Variants in ASIC2 observed in about 807,000 individuals in gnomAD.
The protein encoded by ASIC2 is acid-sensing ion channel 2.
Under a neutral mutation model 57.3 loss-of-function variants are expected in ASIC2, and 25 were observed. That is an observed-to-expected ratio of 0.44 (90% CI 0.32 to 0.61). ASIC2 has a LOEUF of 0.61. Among genes scored for constraint, ASIC2 ranks in the 20% least tolerant of loss-of-function variants. The probability of loss-of-function intolerance (pLI) is 0.06; values close to 1 mark genes in which losing one functional copy is unlikely to be tolerated. For missense variants in ASIC2, 641 were observed against 738.1 expected (o/e 0.87, Z 1.52); for synonymous variants, 319 against 307.5 (o/e 1.04, Z -0.39).
chr17:33,882,652 C>T (rs1490442452), intron 1 of ASIC2, among the ~76,000 whole-genome samples: 1 of 152,216 alleles, frequency 6.6e-6, no homozygotes, highest in African/African-American at 2.4e-5. Context: ...AACTTTTACA[C>T]TGTTGGTGGG....
chr17:33,047,353 T>A (rs539712355), intron 3 of ASIC2, among the ~76,000 whole-genome samples: 4 of 152,064 alleles, frequency 2.6e-5, no homozygotes, highest in Non-Finnish European at 4.4e-5. Context: ...TTTTTGTTTT[T>A]TTTTAGAGAC....
chr17:33,229,092 C>G (rs1353714463), intron 1 of ASIC2, among the ~76,000 whole-genome samples: 1 of 152,130 alleles, frequency 6.6e-6, no homozygotes. Flanking sequence ...ACTGGAAATA[C>G]AGGAACACGT....
chr17:33,569,135 T>A (rs1460348600), intron 1 of ASIC2: 1 of 152,248 alleles, frequency 6.6e-6, no homozygotes, highest in African/African-American at 2.4e-5. Context: ...CCAGGAAGTT[T>A]CATTTCAACA....
intron 1 of ASIC2, among the ~76,000 whole-genome samples, chr17:33,393,857 G>A (rs1326883786): frequency 6.6e-6 from 1 of 152,144 alleles, no homozygotes; most frequent in Non-Finnish European, 1.5e-5. Flanking sequence ...TTGCTGACAA[G>A]GACCAAGCAT....
intron 1 of ASIC2, among the ~76,000 whole-genome samples, chr17:33,745,249 G>C (rs1597858999): frequency 1.3e-5 from 2 of 152,156 alleles, no homozygotes; most frequent in Non-Finnish European, 2.9e-5. Flanking sequence ...AAGTCCAAAG[G>C]TCACCAGGCT....
At chr17:33,043,833 C>T (rs2091939117) in intron 3 of ASIC2, among the ~76,000 whole-genome samples, 1 of 152,168 alleles carries the variant, frequency 6.6e-6, no homozygotes, top group South Asian at 2.1e-4. Flanking sequence ...GGGATGCCCT[C>T]CTCCTGCCCT....
intron 3 of ASIC2, among the ~76,000 whole-genome samples, chr17:33,048,675 G>A (rs1210866429): frequency 1.3e-5 from 2 of 152,116 alleles, no homozygotes; most frequent in Non-Finnish European, 2.9e-5. Flanking sequence ...CTGGAGCCCT[G>A]GGCCTTAAAA....
chr17:33,759,272 G>C (rs546353682), intron 1 of ASIC2, among the ~76,000 whole-genome samples: 2 of 152,280 alleles, frequency 1.3e-5, no homozygotes, highest in Admixed American at 1.3e-4. Flanking sequence ...TGCTGTGGAA[G>C]GTGGAATTTA....
At chr17:34,000,528 C>A (rs538640859) in intron 1 of ASIC2, among the ~76,000 whole-genome samples, 1 of 152,306 alleles carries the variant, frequency 6.6e-6, no homozygotes, top group Non-Finnish European at 1.5e-5. Flanking sequence ...GCTGGCATTA[C>A]AGGTGTGAGC....
chr17:33,886,685 C>G (rs1914836844), intron 1 of ASIC2, among the ~76,000 whole-genome samples: 1 of 152,114 alleles, frequency 6.6e-6, no homozygotes, highest in Non-Finnish European at 1.5e-5. Context: ...TCCTAAATTA[C>G]ACTGTCCTCT....
At chr17:33,431,536 C>T (rs1034933215) in intron 1 of ASIC2, among the ~76,000 whole-genome samples, 5 of 152,192 alleles carry the variant, frequency 3.3e-5, no homozygotes, top group Admixed American at 6.5e-5. Flanking sequence ...ACCTGGGAGG[C>T]GGAGGTCGCC....
intron 1 of ASIC2, among the ~76,000 whole-genome samples, chr17:33,830,604 T>C (rs535311337): frequency 1.7e-4 from 26 of 152,250 alleles, no homozygotes; most frequent in Admixed American, 3.9e-4. Flanking sequence ...AGTGCAAGTT[T>C]GTTACATAGG....
At chr17:33,261,599 G>A (rs1909282749) in intron 1 of ASIC2, among the ~76,000 whole-genome samples, 1 of 152,170 alleles carries the variant, frequency 6.6e-6, no homozygotes, top group Non-Finnish European at 1.5e-5. Flanking sequence ...TAACAGCTGA[G>A]AGGCACACAA....
At chr17:33,200,300 G>C (rs1260695510) in intron 1 of ASIC2, among the ~76,000 whole-genome samples, 1 of 152,162 alleles carries the variant, frequency 6.6e-6, no homozygotes, top group African/African-American at 2.4e-5. Flanking sequence ...TGTTGACTCA[G>C]CTCTCATTCC....
At chr17:33,932,764 T>TATATATATATATATATATATATATA in intron 1 of ASIC2, 1 of 116,472 alleles carries the variant, frequency 8.6e-6, no homozygotes, top group African/African-American at 3.3e-5. Flanking sequence ...ATATATATAG[T>TATATATATATATATATATATATATA]ATGATAAATT....
intron 1 of ASIC2, among the ~76,000 whole-genome samples, chr17:34,139,113 G>T (rs1346452115): frequency 6.6e-6 from 1 of 152,200 alleles, no homozygotes; most frequent in African/African-American, 2.4e-5. Flanking sequence ...AGGTATTGTG[G>T]TGTCATCTGA....
intron 1 of ASIC2, among the ~76,000 whole-genome samples, chr17:34,087,201 T>C (rs1057083531): frequency 6.6e-6 from 1 of 152,198 alleles, no homozygotes; most frequent in Non-Finnish European, 1.5e-5. Context: ...CCATGTTTAG[T>C]GCTTCCTTCA....
chr17:33,116,151 C>T (rs114217815), intron 1 of ASIC2, among the ~76,000 whole-genome samples: 2,742 of 152,310 alleles, frequency 0.018, 103 homozygotes, highest in African/African-American at 0.063. Context: ...TCACGGAAAG[C>T]GAAACGCCCG....
intron 1 of ASIC2, among the ~76,000 whole-genome samples, chr17:33,414,010 C>T (rs548858921): frequency 6.6e-6 from 1 of 152,282 alleles, no homozygotes; most frequent in African/African-American, 2.4e-5. Flanking sequence ...TTTGAGGAGA[C>T]CTTCACTCCC....
Sources: gnomAD v4.1 joint callset for allele counts (sites outside exome capture counted in the v4.1 genomes callset) on GRCh38, gnomAD v4.1.1 for gene constraint, MANE v1.5 for transcripts, NCBI Gene and HGNC (gene_info 2026-07-23, HGNC 2026-07-21) for gene names.